Variants in ZBTB7C observed in about 807,000 individuals in gnomAD.
ZBTB7C encodes zinc finger and BTB domain containing 7C, also known as zinc finger and BTB domain-containing protein 7C.
Under a neutral mutation model 25.7 loss-of-function variants are expected in ZBTB7C, and 8 were observed. That is an observed-to-expected ratio of 0.31 (90% CI 0.18 to 0.56). The LOEUF (loss-of-function observed/expected upper bound fraction) is 0.56, where lower values mean the gene tolerates loss of function less well. ZBTB7C is among the 20% of genes least tolerant of loss of function. The pLI, the probability that ZBTB7C is intolerant of heterozygous loss-of-function variation, is 0.91. For synonymous variants in ZBTB7C, 394 were observed against 369.0 expected (o/e 1.07, Z -0.78); for missense variants, 824 against 855.2 (o/e 0.96, Z 0.46).
chr18:48,277,568 G>C (rs1445493744), intron 2 of ZBTB7C, among the ~76,000 whole-genome samples: 1 of 152,198 alleles, frequency 6.6e-6, no homozygotes, highest in Non-Finnish European at 1.5e-5. Context: ...TCTAAGGAAG[G>C]CTAGAACAAC....
At chr18:48,356,343 G>A (rs1202492101) in intron 1 of ZBTB7C, among the ~76,000 whole-genome samples, 4 of 152,146 alleles carry the variant, frequency 2.6e-5, no homozygotes, top group Admixed American at 6.5e-5. Flanking sequence ...ATGCTTCAGC[G>A]CTCCTCCAAA....
chr18:48,153,162 C>T (rs1177719186), intron 3 of ZBTB7C, among the ~76,000 whole-genome samples: 1 of 152,226 alleles, frequency 6.6e-6, no homozygotes, highest in Non-Finnish European at 1.5e-5. Context: ...CATAGGGAGG[C>T]ACATACAGTT....
At chr18:48,049,709 C>T (rs1419065866) in intron 3 of ZBTB7C, among the ~76,000 whole-genome samples, 2 of 152,188 alleles carry the variant, frequency 1.3e-5, no homozygotes, top group Admixed American at 6.5e-5. Context: ...CTCCAAGTCA[C>T]GCAGCTAGAA....
intron 2 of ZBTB7C, among the ~76,000 whole-genome samples, chr18:48,324,562 G>A (rs2046173442): frequency 6.6e-6 from 1 of 152,272 alleles, no homozygotes; most frequent in African/African-American, 2.4e-5. Flanking sequence ...TGGGATTAGG[G>A]CCTATGGGAG....
intron 2 of ZBTB7C, among the ~76,000 whole-genome samples, chr18:48,227,766 C>T (rs1357215565): frequency 6.6e-6 from 1 of 152,098 alleles, no homozygotes; most frequent in Non-Finnish European, 1.5e-5. Flanking sequence ...AAATAGGAAA[C>T]ATTGGGAAAT....
intron 2 of ZBTB7C, among the ~76,000 whole-genome samples, chr18:48,296,069 C>T (rs1336062517): frequency 6.6e-6 from 1 of 152,214 alleles, no homozygotes; most frequent in Admixed American, 6.5e-5. Flanking sequence ...AGAGAGTTCC[C>T]TCCTGGGGCT....
chr18:48,283,765 C>T (rs2044944146), intron 2 of ZBTB7C, among the ~76,000 whole-genome samples: 2 of 152,168 alleles, frequency 1.3e-5, no homozygotes, highest in Non-Finnish European at 1.5e-5. Context: ...CTGCCTACCT[C>T]ACTATGATGT....
At chr18:48,237,947 G>T (rs962497318) in intron 2 of ZBTB7C, among the ~76,000 whole-genome samples, 1 of 152,076 alleles carries the variant, frequency 6.6e-6, no homozygotes, top group African/African-American at 2.4e-5. Context: ...CCAAATAAAT[G>T]ATTCTTACAA....
At chr18:48,171,576 C>T (rs2145030635) in intron 3 of ZBTB7C, among the ~76,000 whole-genome samples, 1 of 152,368 alleles carries the variant, frequency 6.6e-6, no homozygotes, top group East Asian at 1.9e-4. Flanking sequence ...GGATGCTGTA[C>T]CCATTCCTGC....
Position 48,040,928 on chromosome 18 carries a change from C to T in ZBTB7C, c.180G>A (p.Lys60=). The T allele has an allele frequency of 6.2e-7, 1 of 1,614,202 alleles. No individual in the cohort carries two copies. ...SVLAACSKYF[K]KLFTAGTLAS... is the part of the protein sequence containing the mutation. ...CTAGGGTGCCGGCTGTGAAAAGCTT[C>T]TTGAAGTACTTGCTGCAGGCAGCCA... The change falls in exon 4 of 5, where the codon AAG becomes AAA. Residue 60 remains lysine (K), a synonymous_variant. Coordinates refer to ENST00000590800, the MANE Select transcript of ZBTB7C (RefSeq NM_001318841.2).
intron 2 of ZBTB7C, among the ~76,000 whole-genome samples, chr18:48,282,510 A>T (rs921766071): frequency 6.6e-5 from 10 of 152,210 alleles, no homozygotes; most frequent in African/African-American, 2.4e-4. Context: ...AGTTCCAGGT[A>T]TATATAGCTA....
At chr18:48,359,118 C>T (rs1459604328) in intron 1 of ZBTB7C, among the ~76,000 whole-genome samples, 1 of 152,148 alleles carries the variant, frequency 6.6e-6, no homozygotes. Context: ...ATCCTGTGAC[C>T]CCAGCCCCCA....
chr18:48,187,743 C>T (rs7232974), intron 2 of ZBTB7C, among the ~76,000 whole-genome samples: 7,312 of 145,372 alleles, frequency 0.05, 350 homozygotes, highest in African/African-American at 0.12. Context: ...ATGGCGTGAA[C>T]CCGGGAGGCA....
intron 3 of ZBTB7C, among the ~76,000 whole-genome samples, chr18:48,042,427 G>A (rs1598763980): frequency 6.6e-6 from 1 of 152,212 alleles, no homozygotes; most frequent in Non-Finnish European, 1.5e-5. Flanking sequence ...TACAAATAAA[G>A]TGGGGAGAAA....
rs1195577042 is a variant in ZBTB7C, at chr18:48,298,181, G to A, written c.-79+39993C>T. Among the ~76,000 whole-genome samples, 5 of 152,032 alleles carry A rather than the reference G, an allele frequency of 3.3e-5. No homozygotes were observed. In the South Asian group the frequency reaches 6.3e-4, roughly 19 times the overall value. On this transcript the variant is annotated intron_variant, in intron 2 of 4. Transcript: ENST00000590800. ...TGTAGTCCCAGCTACTCGGAAGGCT[G>A]CGGCAGGAGAATTACTTGAACCCTG...
intron 2 of ZBTB7C, among the ~76,000 whole-genome samples, chr18:48,266,945 C>A (rs1327002279): frequency 6.6e-6 from 1 of 152,056 alleles, no homozygotes; most frequent in Non-Finnish European, 1.5e-5. Flanking sequence ...GACATACATC[C>A]TAGTAGGCTC....
At chr18:48,407,225 T>C (rs1436847804) in intron 1 of ZBTB7C, among the ~76,000 whole-genome samples, 1 of 152,176 alleles carries the variant, frequency 6.6e-6, no homozygotes, top group African/African-American at 2.4e-5. Flanking sequence ...TAAAATCTAA[T>C]TACCAGGAAA....
At chr18:48,061,129 A>T (rs954034753) in intron 3 of ZBTB7C, among the ~76,000 whole-genome samples, 1 of 152,188 alleles carries the variant, frequency 6.6e-6, no homozygotes. Context: ...TTTACAGATC[A>T]TTTATAGAGC....
intron 3 of ZBTB7C, among the ~76,000 whole-genome samples, chr18:48,062,522 G>C (rs1369710834): frequency 6.6e-6 from 1 of 152,194 alleles, no homozygotes; most frequent in Non-Finnish European, 1.5e-5. Context: ...GCCAGGTATT[G>C]AGCTGGGCTC....
Sources: gnomAD v4.1 joint callset for allele counts (sites outside exome capture counted in the v4.1 genomes callset) on GRCh38, gnomAD v4.1.1 for gene constraint, MANE v1.5 for transcripts, NCBI Gene and HGNC (gene_info 2026-07-23, HGNC 2026-07-21) for gene names.